The following SPIB variants were observed in gnomAD, a reference collection of about 807,000 sequenced individuals.
The protein encoded by SPIB is Spi-B transcription factor.
A neutral mutation model predicts 31.9 loss-of-function variants in SPIB; 7 were observed. That is an observed-to-expected ratio of 0.22 (90% CI 0.12 to 0.41). SPIB has a LOEUF of 0.41. Ranked by LOEUF, SPIB falls within the 10% of genes least tolerant of loss-of-function variation. The pLI is 1.00. For synonymous variants in SPIB, 176 were observed against 158.9 expected, an observed-to-expected ratio of 1.11 and a Z score of -0.81; for missense variants, 327 against 360.2, an observed-to-expected ratio of 0.91 and a Z score of 0.75.
Position 50,422,809 on chromosome 19 carries a change from T to C in SPIB, c.125-14T>C. 6.6e-7 allele frequency: 1 copy of C among 1,520,284 alleles called. No homozygotes were observed. The highest frequency in any genetic ancestry group is 8.9e-7 in the Non-Finnish European group (1 of 1,120,190). The allele number at this position is 1,520,284 out of a possible 1,614,324, so 94.2% of individuals were successfully genotyped here. A position where few individuals can be genotyped will look rare whatever the true frequency, so the allele number is the denominator to read the frequency against. ...TGAGACATCCCAGCTTCTGACTCAGTGCCCTTCCCCCAGACTCCCTGTGGG... is the reference window on the plus strand; with the variant it reads ...TGAGACATCCCAGCTTCTGACTCAGCGCCCTTCCCCCAGACTCCCTGTGGG... On this transcript the variant is annotated splice_polypyrimidine_tract_variant and intron_variant, in intron 3 of 5. Transcript: ENST00000595883.
intron 5 of SPIB, among the ~76,000 whole-genome samples, chr19:50,426,251 C>T (rs2039564676): frequency 6.6e-6 from 1 of 151,998 alleles, no homozygotes; most frequent in South Asian, 2.1e-4. Context: ...TGAAAGCAAG[C>T]AGGATCAAGT....
rs2039631861 is a variant in SPIB at position 50,430,775 on chromosome 19, C to T, written c.*2439C>T. ...AAAAACTGTTGCAGCCCCGTTGAGC[C>T]TTTGACACCGCCTGAAATCCACCCC... On this transcript the variant is annotated 3_prime_UTR_variant, in exon 6 of 6. Coordinates refer to ENST00000595883, the MANE Select transcript of SPIB (RefSeq NM_003121.5). The T allele has an allele frequency of 6.6e-6, 1 of 152,350 alleles. No homozygotes were observed. The highest frequency in any genetic ancestry group is 6.5e-5 in the Admixed American group (1 of 15,276). 9.4% of individuals were successfully genotyped at this position (152,350 alleles called of 1,614,324 possible).
In SPIB at chr19:50,423,098, A is replaced by G. The variant is rs372881652; in HGVS notation, c.339+61A>G. ...ACCAGGTGTGGTGGTGCACGCCTGT[A>G]ATCCCAGCTGCTTGAGAGGCTGAGG... On this transcript the variant is annotated intron_variant, in intron 4 of 5. Transcript: ENST00000595883. The G allele has an allele frequency of 5.3e-4, 443 of 829,326 alleles. 10 individuals carry two copies. The South Asian group carries it at 8.6e-3, about 16-fold the overall frequency. The allele number at this position is 829,326 out of a possible 1,614,324, so 51.4% of individuals were successfully genotyped here.
chr19:50,419,771 A>T, intron 1 of SPIB, 175 bp from the exon 2 acceptor site: 1 of 529,094 alleles, frequency 1.9e-6, no homozygotes. Context: ...CCCACCCCCC[A>T]CTTCCTGTCC....
chr19:50,423,615 C>T lies in SPIB; in HGVS notation c.350C>T (p.Pro117Leu). Residue 117 changes from proline to leucine, a missense_variant, in exon 5 of 6, where the codon CCC (proline) becomes CTC (leucine). By Grantham distance (98) the Pro-to-Leu change is moderately conservative. Around this residue, in one of 4 missense-constraint regions of SPIB, gnomAD observed 238 missense variants for 228.8 expected, o/e 1.04. Transcript: ENST00000595883. ...CCTGACCTTCCGCAGACCCTGGTTC[C>T]CCCGGCATATGCCCCGTACCCCAGC... ...TENFASQTLVPPAYAPYPSPV... is the reference protein window; with the variant it reads ...TENFASQTLVLPAYAPYPSPV... The T allele has an allele frequency of 6.2e-7, 1 of 1,613,768 alleles. No individual in the cohort carries two copies.
In SPIB at chr19:50,419,947, C is replaced by T; in HGVS notation, c.25C>T (p.Leu9Phe). Residue 9 changes from leucine to phenylalanine, a missense_variant and splice_region_variant, in exon 2 of 6, where the codon CTC (leucine) becomes TTC (phenylalanine). By Grantham distance (22) the Leu-to-Phe change is conservative. Coordinates refer to ENST00000595883, the MANE Select transcript of SPIB (RefSeq NM_003121.5). The part of the protein sequence containing the change: MLALEAAQ[L>F]DGPHFSCLYP... ...GCCCCTGTGTCTCTCCCCCTCCAGG[C>T]TCGACGGGCCACACTTCAGCTGTCT... is the stretch of plus-strand genomic sequence containing the variant. The T allele has an allele frequency of 6.6e-7, 1 of 1,526,660 alleles. No homozygotes were observed. The highest frequency in any genetic ancestry group is 8.7e-7 in the Non-Finnish European group (1 of 1,145,514). The allele number at this position is 1,526,660 out of a possible 1,614,324, so 94.6% of individuals were successfully genotyped here.
chr19:50,428,342 C>T lies in SPIB; in HGVS notation c.*6C>T, dbSNP rs566742945. On this transcript the variant is annotated 3_prime_UTR_variant, in exon 6 of 6. Coordinates refer to ENST00000595883, the MANE Select transcript of SPIB (RefSeq NM_003121.5). The surrounding 1 kb of genome is among the most constrained non-coding windows in gnomAD (Gnocchi z 6.5). ...CTGCAGTCCGCCGGGCCTGAGCACA[C>T]CCGAGGCTCCCACCTGCGGAGCCGC... 20 of 1,532,694 alleles carry T rather than the reference C, an allele frequency of 1.3e-5. No homozygotes were observed. In the South Asian group the frequency reaches 2.2e-4, roughly 17 times the overall value. The allele number at this position is 1,532,694 out of a possible 1,614,324, so 94.9% of individuals were successfully genotyped here.
Position 50,419,979 on chromosome 19 carries a change from T to C in SPIB, c.51+6T>C. On this transcript the variant is annotated splice_donor_region_variant and intron_variant, in intron 2 of 5. Transcript: ENST00000595883. ...GGCCACACTTCAGCTGTCTGGTGAG[T>C]TGGGGCCCCTGGGGGCCAGGGAGGG... The C allele has an allele frequency of 3.4e-6, 5 of 1,477,512 alleles. No homozygotes were observed. The highest frequency in any genetic ancestry group is 3.6e-6 in the Non-Finnish European group (4 of 1,119,644). The allele number at this position is 1,477,512 out of a possible 1,614,324, so 91.5% of individuals were successfully genotyped here.
At chr19:50,424,169 C>T (rs2039537499) in intron 5 of SPIB, among the ~76,000 whole-genome samples, 2 of 152,288 alleles carry the variant, frequency 1.3e-5, no homozygotes, top group Admixed American at 6.5e-5. Flanking sequence ...CCTTTATGCT[C>T]AACCCCAAGA....
In SPIB at chr19:50,428,425, T is replaced by A. The variant is rs1418052088; in HGVS notation, c.*89T>A. On this transcript the variant is annotated 3_prime_UTR_variant, in exon 6 of 6. Transcript: ENST00000595883. The surrounding 1 kb of genome is among the most constrained non-coding windows in gnomAD (Gnocchi z 6.5). The stretch of plus-strand genomic sequence containing the variant: ...TGGAAGAAAAAGGGCGTCCCCACAC[T>A]CTAGGTGATAGGACTTACGCATCCC... 2.6e-5 allele frequency: 35 copies of A among 1,369,854 alleles called. No individual in the cohort carries two copies. Among genetic ancestry groups the A allele is most frequent in the Non-Finnish European group, 3.1e-5 (32 of 1,031,620 alleles). The allele number at this position is 1,369,854 out of a possible 1,614,324, so 84.9% of individuals were successfully genotyped here.
chr19:50,427,966 G>A (rs1002147708), intron 5 of SPIB, 72 bp from the exon 6 acceptor site: 78 of 1,426,124 alleles, frequency 5.5e-5, no homozygotes, highest in Non-Finnish European at 6.9e-5. Context: ...TGGAAGTCTC[G>A]GAGGAGGGTG....
At chr19:50,422,217 G>T (rs1163868294) in intron 2 of SPIB, among the ~76,000 whole-genome samples, 2 of 152,220 alleles carry the variant, frequency 1.3e-5, no homozygotes, top group East Asian at 1.9e-4. Context: ...AGGGGCCAGG[G>T]TTCTTGGGAG....
chr19:50,423,801 TG>T (rs755670059), intron 5 of SPIB, 46 bp downstream of exon 5: 27 of 1,539,010 alleles, frequency 1.8e-5, no homozygotes, highest in South Asian at 2.4e-5. Flanking sequence ...CTGGAGATGG[TG>T]GGGGGGCTGA....
chr19:50,422,762 T>C, intron 3 of SPIB, 61 bp from the exon 4 acceptor site: 1 of 1,216,156 alleles, frequency 8.2e-7, no homozygotes, highest in East Asian at 2.4e-5. Flanking sequence ...TGCTGGGGGC[T>C]TCGACTGCGA....
At chr19:50,425,150 G>A (rs777805818) in intron 5 of SPIB, among the ~76,000 whole-genome samples, 5 of 151,612 alleles carry the variant, frequency 3.3e-5, no homozygotes, top group Non-Finnish European at 7.4e-5. Flanking sequence ...GGGATCACAG[G>A]CACCCACACC....
At chr19:50,420,765 T>C (rs1235964539) in intron 2 of SPIB, among the ~76,000 whole-genome samples, 1 of 152,020 alleles carries the variant, frequency 6.6e-6, no homozygotes, top group Non-Finnish European at 1.5e-5. Context: ...GTAGCTGGGA[T>C]TACAGGCATG....
chr19:50,422,659 C>A, intron 3 of SPIB, 114 bp downstream of exon 3: 1 of 1,231,750 alleles, frequency 8.1e-7, no homozygotes, highest in Admixed American at 2.0e-5. Context: ...TGGCCCGGGC[C>A]TATAGCCCTC....
rs1405345885 is a variant in SPIB, at chr19:50,428,030, C to T, written c.491-8C>T. 3 of 1,507,102 alleles carry T rather than the reference C, an allele frequency of 2.0e-6. No individual in the cohort carries two copies. The highest frequency in any genetic ancestry group is 2.1e-5 in the Admixed American group (1 of 46,916). 93.4% of individuals were successfully genotyped at this position (1,507,102 alleles called of 1,614,324 possible). A position where few individuals can be genotyped will look rare whatever the true frequency, so the allele number is the denominator to read the frequency against. ...CTCACCTAACGCGTGCCCCCGACCC[C>T]ACCGCAGGGACTCGCAAGAAGCTGC... On this transcript the variant is annotated splice_region_variant and splice_polypyrimidine_tract_variant and intron_variant, in intron 5 of 5. Transcript: ENST00000595883. This position sits in a 1 kb window ranked among gnomAD's most constrained non-coding sequence, Gnocchi z 6.5.
At position 50,429,978 on chromosome 19, in the gene SPIB, G is replaced by A; in HGVS notation, c.*1642G>A. ...GATTGTGCCACTGCACTCCAGCCTG[G>A]GGGACAGAGCGAGACTCCGTCTGAA... On this transcript the variant is annotated 3_prime_UTR_variant, in exon 6 of 6. Transcript: ENST00000595883. 1 of 152,434 alleles carries A rather than the reference G, an allele frequency of 6.6e-6. No individual in the cohort carries two copies. The highest frequency in any genetic ancestry group is 1.5e-5 in the Non-Finnish European group (1 of 68,124). The allele number at this position is 152,434 out of a possible 1,614,324, so 9.4% of individuals were successfully genotyped here.
Sources: gnomAD v4.1 joint callset for allele counts (sites outside exome capture counted in the v4.1 genomes callset) on GRCh38, gnomAD v4.1.1 for gene constraint, gnomAD v4.1.1 regional missense constraint, Gnocchi (gnomAD v3.1) non-coding constraint, MANE v1.5 for transcripts, NCBI Gene and HGNC (gene_info 2026-07-23, HGNC 2026-07-21) for gene names.